The following ZDHHC12 variants were observed in gnomAD, a reference collection of about 807,000 sequenced individuals.
The protein encoded by ZDHHC12 is zDHHC palmitoyltransferase 12.
ZDHHC12 carries 26 observed loss-of-function variants against 33.2 expected under a neutral mutation model. The observed-to-expected ratio is 0.78, with a 90% confidence interval of 0.57 to 1.09. ZDHHC12 has a LOEUF of 1.09. ZDHHC12 is among the 50% of genes least tolerant of loss of function. The pLI is 0.00. For synonymous variants in ZDHHC12, 154 were observed against 152.1 expected (o/e 1.01, Z -0.09); for missense variants, 350 against 353.0 (o/e 0.99, Z 0.07).
At position 128,724,094 on chromosome 9, in the gene ZDHHC12, C is replaced by G; in HGVS notation, c.-1G>C. The stretch of plus-strand genomic sequence containing the variant: ...GGCTGAGGAGCGCCCAGGGCGCCAT[C>G]GCCTCGGCCCGGGGCCCCACCCGGA... On this transcript the variant is annotated 5_prime_UTR_variant, in exon 1 of 5. Transcript: ENST00000372663. 1 of 1,565,186 alleles carries G rather than the reference C, an allele frequency of 6.4e-7. No homozygotes were observed. The highest frequency in any genetic ancestry group is 1.8e-5 in the Admixed American group (1 of 55,282).
chr9:128,722,035 G>T lies in ZDHHC12; in HGVS notation c.289C>A (p.Arg97=), dbSNP rs118022777. 6.8e-6 allele frequency: 11 copies of T among 1,614,068 alleles called. No homozygotes were observed. The South Asian group carries it at 1.2e-4, about 18-fold the overall frequency. The change falls in exon 3 of 5, where the codon CGG becomes AGG. Residue 97 remains arginine (R), a synonymous_variant. Transcript: ENST00000372663. This position sits in a 1 kb window ranked among gnomAD's most constrained non-coding sequence, Gnocchi z 4.2. The part of the protein sequence containing the change: ...TAMVPPAIPL[R]RCRYCLVLQP... ...AGCACCAGGCAGTATCTGCAGCGCC[G>T]AAGAGGGATGGCTGGAGGAACCATG...
At position 128,722,608 on chromosome 9, in the gene ZDHHC12, CG is replaced by C; in HGVS notation, c.101-35del. 1 of 1,582,202 alleles carries C rather than the reference CG, an allele frequency of 6.3e-7. No homozygotes were observed. Among genetic ancestry groups the C allele is most frequent in the Non-Finnish European group, 8.6e-7 (1 of 1,163,826 alleles). Reference sequence around the variant, plus strand: ...GCCGGAGAGCACAGTGAGGCTGGGCCGGGTAGAACAGGAGTGGGTGGGGTTG... The same window carrying C: ...GCCGGAGAGCACAGTGAGGCTGGGCCGGTAGAACAGGAGTGGGTGGGGTTG... On this transcript the variant is annotated intron_variant, in intron 1 of 4. Transcript: ENST00000372663. This position sits in a 1 kb window ranked among gnomAD's most constrained non-coding sequence, Gnocchi z 4.2.
chr9:128,721,430 C>G lies in ZDHHC12; in HGVS notation c.555G>C (p.Leu185=). 1 of 1,584,740 alleles carries G rather than the reference C, an allele frequency of 6.3e-7. No individual in the cohort carries two copies. The highest frequency in any genetic ancestry group is 1.9e-5 in the Admixed American group (1 of 53,548). The change falls in exon 5 of 5, where the codon CTG becomes CTC. Residue 185 remains leucine, a synonymous_variant. Transcript: ENST00000372663. The surrounding 1 kb of genome is among the most constrained non-coding windows in gnomAD (Gnocchi z 6.9). ...RSSGLLFATF[L]LLSLFSLVAS... ...CCACCAACGAGAAGAGGGACAGCAG[C>G]AGGAAGGTGGCGAACAGGAGCCCGC...
Position 128,721,451 on chromosome 9 carries a change from C to G in ZDHHC12, c.534G>C (p.Gly178=). The G allele has an allele frequency of 1.9e-6, 3 of 1,588,254 alleles. No homozygotes were observed. The highest frequency in any genetic ancestry group is 2.6e-6 in the Non-Finnish European group (3 of 1,168,028). The change falls in exon 5 of 5, where the codon GGG becomes GGC. Residue 178 remains glycine (G), a synonymous_variant. Coordinates refer to ENST00000372663, the MANE Select transcript of ZDHHC12 (RefSeq NM_032799.5). This position sits in a 1 kb window ranked among gnomAD's most constrained non-coding sequence, Gnocchi z 6.9. ...GCAGCAGGAAGGTGGCGAACAGGAG[C>G]CCGCTGGACCGCAACCACTGACCCC... ...QPWGQWLRSS[G]LLFATFLLLS...
chr9:128,721,491 C>T lies in ZDHHC12; in HGVS notation c.494G>A (p.Arg165Gln), dbSNP rs530658932. ...WGLYLAWSGLRFFQPWGQWLR... is the reference protein window; with the variant it reads ...WGLYLAWSGLQFFQPWGQWLR... ...CCACTGACCCCAGGGCTGGAAGAAC[C>T]GGAGGCCTGACCTGCGGTGCAGGGG... Residue 165 changes from arginine to glutamine, a missense_variant, in exon 5 of 5, where the codon CGG becomes CAG. Physicochemically the swap from Arg to Gln is conservative, Grantham distance 43. Coordinates refer to ENST00000372663, the MANE Select transcript of ZDHHC12 (RefSeq NM_032799.5). The surrounding 1 kb of genome is among the most constrained non-coding windows in gnomAD (Gnocchi z 6.9). The T allele has an allele frequency of 4.4e-6, 7 of 1,598,270 alleles. No homozygotes were observed. The highest frequency in any genetic ancestry group is 1.8e-5 in the Admixed American group (1 of 56,264).
chr9:128,722,646 G>T lies in ZDHHC12; in HGVS notation c.101-72C>A. On this transcript the variant is annotated intron_variant, in intron 1 of 4. Coordinates refer to ENST00000372663, the MANE Select transcript of ZDHHC12 (RefSeq NM_032799.5). This position sits in a 1 kb window ranked among gnomAD's most constrained non-coding sequence, Gnocchi z 4.2. Reference sequence around the variant, plus strand: ...AGTGGGTGGGGTTGGGGTGCAGTTGGAGGTGGGGAAGTGTGTTCCTGGCTG... The same window carrying T: ...AGTGGGTGGGGTTGGGGTGCAGTTGTAGGTGGGGAAGTGTGTTCCTGGCTG... 6.5e-7 allele frequency: 1 copy of T among 1,547,798 alleles called. No homozygotes were observed. Among genetic ancestry groups the T allele is most frequent in the Non-Finnish European group, 8.7e-7 (1 of 1,144,478 alleles).
Position 128,723,272 on chromosome 9 carries a change from A to C in ZDHHC12, c.101-698T>G, listed in dbSNP as rs535706279. ...GGTTTTCTGATACGGAGACCTGAGC[A>C]AGTTTTTAGGCTAAAGGGTGAAGGT... is the stretch of plus-strand genomic sequence containing the variant. On this transcript the variant is annotated intron_variant, in intron 1 of 4. Coordinates refer to ENST00000372663, the MANE Select transcript of ZDHHC12 (RefSeq NM_032799.5). This position sits in a 1 kb window ranked among gnomAD's most constrained non-coding sequence, Gnocchi z 4.4. The C allele has an allele frequency of 1.0e-4, 16 of 152,704 alleles. No individual in the cohort carries two copies. The highest frequency in any genetic ancestry group is 3.9e-4 in the African/African-American group (16 of 41,484). 9.5% of individuals were successfully genotyped at this position (152,704 alleles called of 1,614,324 possible). A position where few individuals can be genotyped will look rare whatever the true frequency, so the allele number is the denominator to read the frequency against.
chr9:128,721,797 G>T lies in ZDHHC12; in HGVS notation c.336C>A (p.His112Gln), dbSNP rs777364109. 1 of 1,613,240 alleles carries T rather than the reference G, an allele frequency of 6.2e-7. No individual in the cohort carries two copies. The highest frequency in any genetic ancestry group is 8.5e-7 in the Non-Finnish European group (1 of 1,179,852). The change falls in exon 4 of 5, where the codon CAC (histidine) becomes CAA (glutamine). Residue 112 changes from histidine to glutamine, a missense_variant. By Grantham distance (24) the His-to-Gln change is conservative. Coordinates refer to ENST00000372663, the MANE Select transcript of ZDHHC12 (RefSeq NM_032799.5). The surrounding 1 kb of genome is among the most constrained non-coding windows in gnomAD (Gnocchi z 6.9). ...CLVLQPLRAR[H>Q]CRECRRCVRR... ...GGACGCAACGGCGGCACTCACGGCA[G>T]TGCCGAGCCCTCAGGGGCTGCTGTG...
rs1169724669 is a variant in ZDHHC12 at position 128,721,413 on chromosome 9, G to A, written c.572C>T (p.Ser191Leu). Residue 191 changes from serine (S) to leucine (L), a missense_variant, in exon 5 of 5, where the codon TCG (serine) becomes TTG (leucine). By Grantham distance (145) the Ser-to-Leu change is moderately radical (BLOSUM62 -2). Coordinates refer to ENST00000372663, the MANE Select transcript of ZDHHC12 (RefSeq NM_032799.5). This position sits in a 1 kb window ranked among gnomAD's most constrained non-coding sequence, Gnocchi z 6.9. Reference sequence around the variant, plus strand: ...GACGAGGAGCAGGCTGGCCACCAACGAGAAGAGGGACAGCAGCAGGAAGGT... The same window carrying A: ...GACGAGGAGCAGGCTGGCCACCAACAAGAAGAGGGACAGCAGCAGGAAGGT... ...FATFLLLSLF[S>L]LVASLLLVSH... The A allele has an allele frequency of 1.9e-6, 3 of 1,581,536 alleles. No homozygotes were observed. Among genetic ancestry groups the A allele is most frequent in the African/African-American group, 1.3e-5 (1 of 74,650 alleles).
Position 128,721,098 on chromosome 9 carries a change from C to T in ZDHHC12, c.*83G>A, listed in dbSNP as rs1233896409. On this transcript the variant is annotated 3_prime_UTR_variant, in exon 5 of 5. Coordinates refer to ENST00000372663, the MANE Select transcript of ZDHHC12 (RefSeq NM_032799.5). This position sits in a 1 kb window ranked among gnomAD's most constrained non-coding sequence, Gnocchi z 6.9. ...GGAGGCGTGGGCAGGAGTGAGGGCC[C>T]CAGGCCCTCTGAGCGCTCACCCCAG... The T allele has an allele frequency of 7.3e-7, 1 of 1,364,260 alleles. No individual in the cohort carries two copies. Among genetic ancestry groups the T allele is most frequent in the Non-Finnish European group, 9.7e-7 (1 of 1,031,912 alleles). The allele number at this position is 1,364,260 out of a possible 1,614,324, so 84.5% of individuals were successfully genotyped here. A position where few individuals can be genotyped will look rare whatever the true frequency, so the allele number is the denominator to read the frequency against.
Position 128,721,625 on chromosome 9 carries a change from C to T in ZDHHC12, c.482+26G>A, listed in dbSNP as rs1190318088. 6.2e-7 allele frequency: 1 copy of T among 1,605,872 alleles called. No homozygotes were observed. The highest frequency in any genetic ancestry group is 8.5e-7 in the Non-Finnish European group (1 of 1,175,578). On this transcript the variant is annotated intron_variant, in intron 4 of 4. Transcript: ENST00000372663. The surrounding 1 kb of genome is among the most constrained non-coding windows in gnomAD (Gnocchi z 6.9). ...TGTGGGAGCATTCATCCCACCCTCC[C>T]TCTACACCCGGGCAGCAGCACCCAC...
In ZDHHC12 at chr9:128,722,613, A is replaced by G. The variant is rs1372464748; in HGVS notation, c.101-39T>C. 3 of 1,578,928 alleles carry G rather than the reference A, an allele frequency of 1.9e-6. No homozygotes were observed. Among genetic ancestry groups the G allele is most frequent in the South Asian group, 1.2e-5 (1 of 86,546 alleles). On this transcript the variant is annotated intron_variant, in intron 1 of 4. Transcript: ENST00000372663. The surrounding 1 kb of genome is among the most constrained non-coding windows in gnomAD (Gnocchi z 4.2). ...AGAGCACAGTGAGGCTGGGCCGGGT[A>G]GAACAGGAGTGGGTGGGGTTGGGGT...
At position 128,723,980 on chromosome 9, in the gene ZDHHC12, G is replaced by T; in HGVS notation, c.100+14C>A. 1 of 1,609,070 alleles carries T rather than the reference G, an allele frequency of 6.2e-7. No homozygotes were observed. Among genetic ancestry groups the T allele is most frequent in the East Asian group, 2.2e-5 (1 of 44,514 alleles). ...GGATCGGGTGGGTCCGGGGTCGCTCGGGGTCCGGCTCACCGGTATCGTGCA... is the reference window on the plus strand; with the variant it reads ...GGATCGGGTGGGTCCGGGGTCGCTCTGGGTCCGGCTCACCGGTATCGTGCA... On this transcript the variant is annotated intron_variant, in intron 1 of 4. Coordinates refer to ENST00000372663, the MANE Select transcript of ZDHHC12 (RefSeq NM_032799.5). The surrounding 1 kb of genome is among the most constrained non-coding windows in gnomAD (Gnocchi z 4.4).
chr9:128,723,438 A>C lies in ZDHHC12; in HGVS notation c.100+556T>G. On this transcript the variant is annotated intron_variant, in intron 1 of 4. Coordinates refer to ENST00000372663, the MANE Select transcript of ZDHHC12 (RefSeq NM_032799.5). This position sits in a 1 kb window ranked among gnomAD's most constrained non-coding sequence, Gnocchi z 4.4. ...GCCTGTGGCAGGTGAGGCGCTGGGT[A>C]GGGGGCTACTAAGAGGAATGAGGGA... 2 of 116,498 alleles carry C rather than the reference A, an allele frequency of 1.7e-5. No homozygotes were observed. The highest frequency in any genetic ancestry group is 1.7e-5 in the Non-Finnish European group (1 of 58,310). 7.2% of individuals were successfully genotyped at this position (116,498 alleles called of 1,614,324 possible). A position where few individuals can be genotyped will look rare whatever the true frequency, so the allele number is the denominator to read the frequency against.
chr9:128,723,862 G>T lies in ZDHHC12; in HGVS notation c.100+132C>A. On this transcript the variant is annotated intron_variant, in intron 1 of 4. Coordinates refer to ENST00000372663, the MANE Select transcript of ZDHHC12 (RefSeq NM_032799.5). The surrounding 1 kb of genome is among the most constrained non-coding windows in gnomAD (Gnocchi z 4.4). ...TCTTGGAATGATAGATGGGGAGAGG[G>T]CTTCAGGAGCTGGTGGAGATCGGGC... The T allele has an allele frequency of 7.4e-7, 1 of 1,360,092 alleles. No individual in the cohort carries two copies. The highest frequency in any genetic ancestry group is 1.0e-6 in the Non-Finnish European group (1 of 997,660). The allele number at this position is 1,360,092 out of a possible 1,614,324, so 84.3% of individuals were successfully genotyped here.
Position 128,722,787 on chromosome 9 carries a change from T to C in ZDHHC12, c.101-213A>G, listed in dbSNP as rs899618439. ...GGAAGGTTATAGAGCCAGATCTGTTTTGGAAAACCTCATTGCTAAAGAAAT... is the reference window on the plus strand; with the variant it reads ...GGAAGGTTATAGAGCCAGATCTGTTCTGGAAAACCTCATTGCTAAAGAAAT... On this transcript the variant is annotated intron_variant, in intron 1 of 4. Transcript: ENST00000372663. This position sits in a 1 kb window ranked among gnomAD's most constrained non-coding sequence, Gnocchi z 4.2. The C allele has an allele frequency of 7.2e-7, 1 of 1,394,010 alleles. No homozygotes were observed. The allele number at this position is 1,394,010 out of a possible 1,614,324, so 86.4% of individuals were successfully genotyped here. A position where few individuals can be genotyped will look rare whatever the true frequency, so the allele number is the denominator to read the frequency against.
chr9:128,722,119 C>T lies in ZDHHC12; in HGVS notation c.238-33G>A. 1 of 1,613,202 alleles carries T rather than the reference C, an allele frequency of 6.2e-7. No individual in the cohort carries two copies. Among genetic ancestry groups the T allele is most frequent in the South Asian group, 1.1e-5 (1 of 91,064 alleles). ...GAGGGGTGGGGTGTAAGACAGGGTC[C>T]CCTTGGGAGACAGATGGCATTGGCG... On this transcript the variant is annotated intron_variant, in intron 2 of 4. Transcript: ENST00000372663. The surrounding 1 kb of genome is among the most constrained non-coding windows in gnomAD (Gnocchi z 4.2).
Position 128,722,557 on chromosome 9 carries a change from C to T in ZDHHC12, c.118G>A (p.Glu40Lys), listed in dbSNP as rs763258657. ...LHDTELRQWE[E>K]QGELLLPLTF... is the part of the protein sequence containing the mutation. ...AGGGGCAGGAGCAGCTCCCCCTGCT[C>T]CTCCCATTGCCGCAGCTCTGGAGAG... is the stretch of plus-strand genomic sequence containing the variant. The change falls in exon 2 of 5, where the codon GAG (glutamate) becomes AAG (lysine). Residue 40 changes from glutamate (E) to lysine (K), a missense_variant. Physicochemically the swap from Glu to Lys is moderately conservative, Grantham distance 56 (BLOSUM62 1). Transcript: ENST00000372663. This position sits in a 1 kb window ranked among gnomAD's most constrained non-coding sequence, Gnocchi z 4.2. The T allele has an allele frequency of 3.1e-6, 5 of 1,592,440 alleles. No homozygotes were observed. The highest frequency in any genetic ancestry group is 4.3e-6 in the Non-Finnish European group (5 of 1,169,614).
rs1031672622 is a variant in ZDHHC12, at chr9:128,723,800, T to G, written c.100+194A>C. ...TGATCAGGAAGATGCTGGGATTAAT[T>G]AGGGATCAACGGGGTATCAGACAGA... On this transcript the variant is annotated intron_variant, in intron 1 of 4. Coordinates refer to ENST00000372663, the MANE Select transcript of ZDHHC12 (RefSeq NM_032799.5). The surrounding 1 kb of genome is among the most constrained non-coding windows in gnomAD (Gnocchi z 4.4). 2.5e-6 allele frequency: 2 copies of G among 798,712 alleles called. No homozygotes were observed. The highest frequency in any genetic ancestry group is 3.5e-5 in the African/African-American group (2 of 56,912). The allele number at this position is 798,712 out of a possible 1,614,324, so 49.5% of individuals were successfully genotyped here.
Sources: gnomAD v4.1 joint callset for allele counts on GRCh38, gnomAD v4.1.1 for gene constraint, Gnocchi (gnomAD v3.1) non-coding constraint, MANE v1.5 for transcripts, NCBI Gene and HGNC (gene_info 2026-07-23, HGNC 2026-07-21) for gene names.